The following ARHGEF3 variants were observed in gnomAD, a reference collection of about 807,000 sequenced individuals.
ARHGEF3 encodes 59.8 kDA protein.
Under a neutral mutation model 63.2 loss-of-function variants are expected in ARHGEF3, and 28 were observed. The ratio of observed to expected loss-of-function variants is 0.44; its 90% CI spans 0.33 to 0.61. The LOEUF (loss-of-function observed/expected upper bound fraction) is 0.61. ARHGEF3 is among the 20% of genes least tolerant of loss of function. The probability of loss-of-function intolerance (pLI) is 0.03; values close to 1 mark genes in which losing one functional copy is unlikely to be tolerated. For missense variants in ARHGEF3, 533 were observed against 659.3 expected (o/e 0.81, Z 2.10); for synonymous variants, 266 against 254.2 (o/e 1.05, Z -0.44).
intron 2 of ARHGEF3, among the ~76,000 whole-genome samples, chr3:57,017,030 T>TCACA (rs1361265165): frequency 7.1e-4 from 48 of 67,802 alleles, no homozygotes; most frequent in Admixed American, 1.3e-3. Flanking sequence ...TCTCTCTCTC[T>TCACA]CTCACACACA....
At chr3:57,069,373 T>TCAAACA (rs1705748952) in intron 1 of ARHGEF3, among the ~76,000 whole-genome samples, 1 of 87,850 alleles carries the variant, frequency 1.1e-5, no homozygotes. Context: ...TCTCTGTCTC[T>TCAAACA]CAAACACACA....
rs564382862 is a variant in ARHGEF3, at chr3:56,867,243, A to G, written c.192+15049T>C. ...TGAACAACCAAGTAGCCACTCAATC[A>G]TTTATCCAACAAATGTTTATCGGAC... On this transcript the variant is annotated intron_variant, in intron 4 of 12. Transcript: ENST00000338458. 7.9e-5 allele frequency among the ~76,000 whole-genome samples: 12 copies of G among 152,336 alleles called. No homozygotes were observed. The South Asian group carries it at 2.5e-3, about 32-fold the overall frequency.
chr3:56,948,863 G>A (rs1213014602), intron 3 of ARHGEF3, among the ~76,000 whole-genome samples: 3 of 151,944 alleles, frequency 2.0e-5, no homozygotes, highest in African/African-American at 2.4e-5. Context: ...GATGAACATC[G>A]ATGCAAATAT....
chr3:56,988,278 C>T (rs2106936503), intron 2 of ARHGEF3, among the ~76,000 whole-genome samples: 1 of 152,284 alleles, frequency 6.6e-6, no homozygotes, highest in Non-Finnish European at 1.5e-5. Context: ...TCCTGAGTAG[C>T]TGGGACTACA....
intron 2 of ARHGEF3, among the ~76,000 whole-genome samples, chr3:57,000,918 T>A (rs1165061952): frequency 1.3e-5 from 2 of 152,156 alleles, no homozygotes; most frequent in African/African-American, 4.8e-5. Flanking sequence ...ATATTATACC[T>A]ATATAACCTT....
At chr3:56,957,742 G>A (rs757747806) in intron 3 of ARHGEF3, among the ~76,000 whole-genome samples, 15 of 152,142 alleles carry the variant, frequency 9.9e-5, no homozygotes, top group Non-Finnish European at 4.4e-5. Context: ...GTGTGGGCCC[G>A]GAGCAGTGTG....
rs869041385 is a variant in ARHGEF3, at chr3:56,933,394, C to CTT, written c.129+25427_129+25428dup. On this transcript the variant is annotated intron_variant, in intron 3 of 12. Coordinates refer to the ARHGEF3 transcript ENST00000338458. Reference sequence around the variant, plus strand: ...TATAAAATGGAAAAATGTTTCTTTTCTTTTTTTTTTTTTTTTACTTTTTTT... The same window carrying CTT: ...TATAAAATGGAAAAATGTTTCTTTTCTTTTTTTTTTTTTTTTTTACTTTTTTT... Among the ~76,000 whole-genome samples, 723 of 132,900 alleles carry CTT rather than the reference C, an allele frequency of 5.4e-3. 7 individuals carry two copies. Among genetic ancestry groups the CTT allele is most frequent in the African/African-American group, 0.019 (681 of 36,792 alleles). 87.2% of individuals were successfully genotyped at this position (132,900 alleles called of 152,430 possible).
chr3:56,782,116 T>A (rs1264196669), intron 1 of ARHGEF3, among the ~76,000 whole-genome samples: 2 of 152,210 alleles, frequency 1.3e-5, no homozygotes, highest in Non-Finnish European at 2.9e-5. Context: ...TAGAAAAAGA[T>A]AATAATAATG....
In ARHGEF3 at chr3:56,756,336, C is replaced by G. The variant is rs1055396417; in HGVS notation, c.205-1185G>C. ...TGTGGCCTTCAGCAGGAAGTTTCAA[C>G]TCCTCATCTTGGCACAGGAAGTCTC... On this transcript the variant is annotated intron_variant, in intron 2 of 9. Coordinates refer to ENST00000296315, the MANE Select transcript of ARHGEF3 (RefSeq NM_019555.3). 4.6e-5 allele frequency among the ~76,000 whole-genome samples: 7 copies of G among 152,274 alleles called. No individual in the cohort carries two copies. In the East Asian group the frequency reaches 1.2e-3, roughly 25 times the overall value.
At chr3:57,002,498 T>TTATATATATATGTTA (rs1702272414) in intron 2 of ARHGEF3, among the ~76,000 whole-genome samples, 3 of 13,494 alleles carry the variant, frequency 2.2e-4, no homozygotes, top group African/African-American at 4.3e-4. Flanking sequence ...TATATATATG[T>TTATATATATATGTTA]TATATATATA....
intron 2 of ARHGEF3, among the ~76,000 whole-genome samples, chr3:56,994,080 A>AAAAAAAAAAAAAAAAAAAAAAAC (rs1391084005): frequency 7.0e-6 from 1 of 141,972 alleles, no homozygotes; most frequent in Non-Finnish European, 1.5e-5. Context: ...AAAAAAAAAA[A>AAAAAAAAAAAAAAAAAAAAAAAC]AAAAAGCACA....
chr3:56,811,001 G>A (rs961045174), intron 4 of ARHGEF3, among the ~76,000 whole-genome samples: 4 of 152,194 alleles, frequency 2.6e-5, no homozygotes, highest in Non-Finnish European at 5.9e-5. Flanking sequence ...TTAGCCCAAT[G>A]GCTGTAGCAT....
At chr3:57,023,233 T>C (rs1272258150) in intron 2 of ARHGEF3, among the ~76,000 whole-genome samples, 1 of 152,164 alleles carries the variant, frequency 6.6e-6, no homozygotes, top group African/African-American at 2.4e-5. Flanking sequence ...CAACAGATGT[T>C]AGTTTTATAG....
At chr3:56,884,619 C>A (rs147842409) in intron 3 of ARHGEF3, among the ~76,000 whole-genome samples, 1 of 152,224 alleles carries the variant, frequency 6.6e-6, no homozygotes, top group Non-Finnish European at 1.5e-5. Flanking sequence ...GATTAACAAG[C>A]TCACCCAGTG....
At chr3:57,071,937 A>G (rs1705929024) in intron 1 of ARHGEF3, among the ~76,000 whole-genome samples, 3 of 152,196 alleles carry the variant, frequency 2.0e-5, no homozygotes, top group Admixed American at 2.0e-4. Context: ...GAGACATATA[A>G]TCCAATTTAA....
At chr3:56,852,821 T>C (rs2039723954) in intron 4 of ARHGEF3, among the ~76,000 whole-genome samples, 1 of 152,216 alleles carries the variant, frequency 6.6e-6, no homozygotes, top group Non-Finnish European at 1.5e-5. Context: ...CATCAAACCC[T>C]GATCTGACAT....
chr3:57,002,510 A>G (rs1350697110), intron 2 of ARHGEF3, among the ~76,000 whole-genome samples: 1 of 97,002 alleles, frequency 1.0e-5, no homozygotes, highest in African/African-American at 3.8e-5. Flanking sequence ...ATATATATAT[A>G]TATGTTATAT....
chr3:56,958,736 C>G (rs1700153026), intron 3 of ARHGEF3: 1 of 1,390,640 alleles, frequency 7.2e-7, no homozygotes, highest in Non-Finnish European at 9.9e-7. Flanking sequence ...TTAGTAAAAC[C>G]AACCCTAACA....
At chr3:56,917,688 C>G (rs949805492) in intron 3 of ARHGEF3, among the ~76,000 whole-genome samples, 1 of 152,094 alleles carries the variant, frequency 6.6e-6, no homozygotes, top group Non-Finnish European at 1.5e-5. Context: ...ACATGGGCAG[C>G]GTTCTGATGG....
Sources: gnomAD v4.1 joint callset for allele counts (sites outside exome capture counted in the v4.1 genomes callset) on GRCh38, gnomAD v4.1.1 for gene constraint, MANE v1.5 for transcripts, NCBI Gene and HGNC (gene_info 2026-07-23, HGNC 2026-07-21) for gene names.